The following ERLEC1 variants were observed in gnomAD, a reference collection of about 807,000 sequenced individuals.
ERLEC1 encodes the protein endoplasmic reticulum lectin 1.
Under a neutral mutation model 68.0 loss-of-function variants are expected in ERLEC1, and 47 were observed. That is an observed-to-expected ratio of 0.69 (90% CI 0.55 to 0.88). ERLEC1 has a LOEUF of 0.88. Among genes scored for constraint, ERLEC1 ranks in the 40% least tolerant of loss-of-function variants. The pLI, the probability that ERLEC1 is intolerant of heterozygous loss-of-function variation, is 0.00. For missense variants in ERLEC1, 567 were observed against 583.8 expected (o/e 0.97, Z 0.30); for synonymous variants, 225 against 203.2 (o/e 1.11, Z -0.91).
At chr2:53,790,193 A>G (rs1476665302) in intron 1 of ERLEC1, among the ~76,000 whole-genome samples, 1 of 151,612 alleles carries the variant, frequency 6.6e-6, no homozygotes, top group Non-Finnish European at 1.5e-5. Context: ...TCCCGGGTTC[A>G]AGCGATTCTT....
chr2:53,797,575 G>T lies in ERLEC1; in HGVS notation c.409G>T (p.Glu137Ter). ...AAAACACATTCGGCAGTACCATGAA[G>T]AGAAAGAAACTGGTCAGGTGTGTTT... is the stretch of plus-strand genomic sequence containing the variant. ...HGKHIRQYHEEKETGQKINIH... is the reference protein window; with the variant it reads ...HGKHIRQYHE Residue 137 changes from glutamate to a stop codon, truncating the protein, a stop_gained, in exon 4 of 14, where the codon GAG (glutamate) becomes TAG (stop). Transcript: ENST00000185150. LOFTEE classifies it high-confidence loss of function. 1 of 1,612,442 alleles carries T rather than the reference G, an allele frequency of 6.2e-7. No homozygotes were observed. Among genetic ancestry groups the T allele is most frequent in the South Asian group, 1.1e-5 (1 of 90,344 alleles).
At chr2:53,794,309 G>A (rs1361518278) in intron 1 of ERLEC1, 36 bp from the exon 2 acceptor site, 6 of 910,362 alleles carry the variant, frequency 6.6e-6, no homozygotes, top group East Asian at 2.7e-5. Flanking sequence ...ACAATTTCAC[G>A]GAGAACATAA....
chr2:53,787,539 A>C, intron 1 of ERLEC1, 167 bp downstream of exon 1: 3 of 728,598 alleles, frequency 4.1e-6, no homozygotes, highest in Non-Finnish European at 6.3e-6. Flanking sequence ...GTTCGTTCTC[A>C]CGTTATGTGG....
chr2:53,803,926 C>T (rs1676138753), intron 8 of ERLEC1, among the ~76,000 whole-genome samples: 1 of 152,168 alleles, frequency 6.6e-6, no homozygotes, highest in African/African-American at 2.4e-5. Context: ...GTCAGGAGTT[C>T]AAGACCAGCC....
intron 12 of ERLEC1, 42 bp downstream of exon 12, chr2:53,814,662 T>A: frequency 6.9e-7 from 1 of 1,446,256 alleles, no homozygotes; most frequent in Non-Finnish European, 9.7e-7. Context: ...CTTTGTCTTT[T>A]AACTGCTTCC....
intron 8 of ERLEC1, among the ~76,000 whole-genome samples, chr2:53,808,052 A>G (rs1339084427): frequency 6.6e-6 from 1 of 152,118 alleles, no homozygotes; most frequent in Admixed American, 6.5e-5. Flanking sequence ...TAATGAGACA[A>G]AGTATATGAA....
intron 13 of ERLEC1, among the ~76,000 whole-genome samples, chr2:53,815,930 T>C (rs1676852668): frequency 6.6e-6 from 1 of 152,278 alleles, no homozygotes; most frequent in Non-Finnish European, 1.5e-5. Flanking sequence ...GTCTGGACAT[T>C]AACTCTTTGT....
Position 53,801,827 on chromosome 2 carries a change from TAGG to T in ERLEC1, c.867_869del (p.Arg290del). On this transcript the variant is annotated inframe_deletion, in exon 8 of 14. Coordinates refer to ENST00000185150, the MANE Select transcript of ERLEC1 (RefSeq NM_015701.5). ...AGGAAGAAATACTAAGGGTGCCTTT[TAGG>T]AGAAATAAAGAGGTATGAGAATTGT... 6.2e-7 allele frequency: 1 copy of T among 1,613,626 alleles called. No homozygotes were observed. The highest frequency in any genetic ancestry group is 8.5e-7 in the Non-Finnish European group (1 of 1,179,708).
intron 11 of ERLEC1, 105 bp from the exon 12 acceptor site, chr2:53,814,438 C>G (rs1014798319): frequency 4.9e-6 from 3 of 609,174 alleles, no homozygotes; most frequent in African/African-American, 1.9e-5. Flanking sequence ...TTTTTTTTAA[C>G]TAATGCAAAA....
chr2:53,801,384 C>T lies in ERLEC1; in HGVS notation c.526-13C>T, dbSNP rs79869681. On this transcript the variant is annotated splice_polypyrimidine_tract_variant and intron_variant, in intron 6 of 13. Transcript: ENST00000185150. Reference sequence around the variant, plus strand: ...TCTAATGAAAAGTCTGTCTTATACTCTTTTTTTTTAAGATTCCCACTAAAA... The same window carrying T: ...TCTAATGAAAAGTCTGTCTTATACTTTTTTTTTTTAAGATTCCCACTAAAA... The T allele has an allele frequency of 5.1e-6, 8 of 1,580,784 alleles. No individual in the cohort carries two copies. The Admixed American group carries it at 1.3e-4, about 27-fold the overall frequency.
intron 8 of ERLEC1, among the ~76,000 whole-genome samples, chr2:53,806,317 TA>T: frequency 6.6e-6 from 1 of 152,332 alleles, no homozygotes; most frequent in Non-Finnish European, 1.5e-5. Flanking sequence ...GAAGTAGTAA[TA>T]AAGGGTCATG....
intron 10 of ERLEC1, 39 bp downstream of exon 10, chr2:53,809,312 G>A: frequency 1.5e-6 from 2 of 1,355,618 alleles, no homozygotes; most frequent in Non-Finnish European, 2.0e-6. Context: ...ACCACTAGAT[G>A]GTTTAAAGTT....
At chr2:53,817,317 T>A (rs1439608946) in intron 13 of ERLEC1, among the ~76,000 whole-genome samples, 1 of 152,056 alleles carries the variant, frequency 6.6e-6, no homozygotes, top group African/African-American at 2.4e-5. Context: ...GTATTTTTAG[T>A]AGAGACGGGG....
At chr2:53,796,321 T>C (rs1424493410) in intron 3 of ERLEC1, among the ~76,000 whole-genome samples, 1 of 151,816 alleles carries the variant, frequency 6.6e-6, no homozygotes, top group Non-Finnish European at 1.5e-5. Context: ...AAGTCTGTTA[T>C]TCCCCTCTTT....
chr2:53,791,983 C>G (rs13393197), intron 1 of ERLEC1, among the ~76,000 whole-genome samples: 17,570 of 151,022 alleles, frequency 0.12, 1,039 homozygotes, highest in East Asian at 0.18. Flanking sequence ...GAGGTCTCAG[C>G]TCTCTGCAAG....
intron 3 of ERLEC1, among the ~76,000 whole-genome samples, chr2:53,796,889 CTTTTT>C (rs958244464): frequency 6.8e-5 from 8 of 117,244 alleles, no homozygotes; most frequent in Non-Finnish European, 1.4e-4. Flanking sequence ...TTTTCTTTTT[CTTTTT>C]TTTTTTTTTT....
intron 8 of ERLEC1, among the ~76,000 whole-genome samples, chr2:53,806,689 A>C (rs370256533): frequency 6.6e-6 from 1 of 152,206 alleles, no homozygotes; most frequent in Non-Finnish European, 1.5e-5. Flanking sequence ...TACAAGCTGA[A>C]GTAGAAGCAA....
intron 12 of ERLEC1, 32 bp downstream of exon 12, chr2:53,814,652 C>T: frequency 6.6e-7 from 1 of 1,524,568 alleles, no homozygotes; most frequent in Non-Finnish European, 9.1e-7. Context: ...TGCTGTATGC[C>T]TTTGTCTTTT....
At chr2:53,789,679 AT>A (rs1005075445) in intron 1 of ERLEC1, among the ~76,000 whole-genome samples, 2 of 151,834 alleles carry the variant, frequency 1.3e-5, no homozygotes, top group East Asian at 1.9e-4. Context: ...TGGTCTTTTG[AT>A]TTTTTTTAAT....
Sources: gnomAD v4.1 joint callset for allele counts (sites outside exome capture counted in the v4.1 genomes callset) on GRCh38, gnomAD v4.1.1 for gene constraint, MANE v1.5 for transcripts, NCBI Gene and HGNC (gene_info 2026-07-23, HGNC 2026-07-21) for gene names.